COP1: variants seen among roughly 807,000 people sequenced by gnomAD.
The protein encoded by COP1 is COP1 E3 ubiquitin ligase.
In COP1, 24 loss-of-function variants were observed where a neutral mutation model predicts 101.3. The ratio of observed to expected loss-of-function variants is 0.24; its 90% CI spans 0.17 to 0.33. The LOEUF is 0.33. Ranked by LOEUF, COP1 falls within the 10% of genes least tolerant of loss-of-function variation. The probability of loss-of-function intolerance (pLI) is 1.00; values close to 1 mark genes in which losing one functional copy is unlikely to be tolerated. For missense variants in COP1, 663 were observed against 906.2 expected (o/e 0.73, Z 3.45); for synonymous variants, 347 against 341.9 (o/e 1.01, Z -0.17).
rs1421835192 is a variant in COP1 at position 175,953,163 on chromosome 1, C to T, written c.2134-5924G>A. On this transcript the variant is annotated intron_variant, in intron 18 of 19. Coordinates refer to ENST00000367669, the MANE Select transcript of COP1 (RefSeq NM_022457.7). ...AGATTCTTCCATTATAAAGTGGTAT[C>T]ATATAATCTGAAGACAGACTGTAAA... Among the ~76,000 whole-genome samples the T allele has an allele frequency of 4.6e-5, 7 of 151,886 alleles. No individual in the cohort carries two copies. The South Asian group carries it at 1.5e-3, about 32-fold the overall frequency.
At chr1:176,069,370 A>T (rs553089631) in intron 11 of COP1, among the ~76,000 whole-genome samples, 12 of 152,242 alleles carry the variant, frequency 7.9e-5, no homozygotes, top group Admixed American at 3.3e-4. Context: ...AAATGTGTCC[A>T]GGAAACTAGA....
At chr1:176,002,040 T>G (rs575458003) in intron 15 of COP1, among the ~76,000 whole-genome samples, 8 of 152,234 alleles carry the variant, frequency 5.3e-5, no homozygotes, top group Admixed American at 2.6e-4. Context: ...TCTTCCCGCC[T>G]TTCAAGAGTT....
chr1:175,961,351 T>C (rs1651317621), intron 18 of COP1, among the ~76,000 whole-genome samples: 1 of 152,182 alleles, frequency 6.6e-6, no homozygotes, highest in South Asian at 2.1e-4. Context: ...AGTCGTTTCA[T>C]TATACAGTAG....
chr1:175,993,907 C>T (rs565074351), intron 15 of COP1, among the ~76,000 whole-genome samples: 14 of 152,258 alleles, frequency 9.2e-5, no homozygotes, highest in African/African-American at 3.4e-4. Context: ...CACAAAGATA[C>T]TCCTCGAGAA....
At chr1:175,983,859 G>A (rs992525100) in intron 18 of COP1, among the ~76,000 whole-genome samples, 1 of 152,210 alleles carries the variant, frequency 6.6e-6, no homozygotes, top group Non-Finnish European at 1.5e-5. Flanking sequence ...CCCTGCCCTA[G>A]AGATCTGTGG....
chr1:176,070,621 C>A (rs758946518), intron 11 of COP1, among the ~76,000 whole-genome samples: 1 of 152,032 alleles, frequency 6.6e-6, no homozygotes, highest in Non-Finnish European at 1.5e-5. Context: ...AAGACCGCAC[C>A]ACTGCACTCC....
At chr1:176,112,584 T>C (rs930271947) in intron 9 of COP1, among the ~76,000 whole-genome samples, 16 of 152,236 alleles carry the variant, frequency 1.1e-4, no homozygotes, top group Non-Finnish European at 2.2e-4. Flanking sequence ...TCTTCTCTTC[T>C]AGCTATTCTG....
At chr1:176,025,421 C>T (rs1466410951) in intron 15 of COP1, among the ~76,000 whole-genome samples, 1 of 127,888 alleles carries the variant, frequency 7.8e-6, no homozygotes, top group Non-Finnish European at 1.7e-5. Context: ...AGATACAAAA[C>T]AAATATCCAA....
chr1:175,947,320 T>A (rs781140000), intron 18 of COP1, 81 bp from the exon 19 acceptor site: 43 of 924,048 alleles, frequency 4.7e-5, no homozygotes, highest in Non-Finnish European at 7.5e-5. Context: ...TCTTCATCCT[T>A]CTTTCTTCAC....
intron 15 of COP1, among the ~76,000 whole-genome samples, chr1:176,027,057 G>A (rs930311740): frequency 1.3e-5 from 2 of 152,070 alleles, no homozygotes; most frequent in African/African-American, 4.8e-5. Context: ...TTTACCAAAT[G>A]ATTATTTGGT....
At chr1:176,160,276 T>TTC (rs1694108173) in intron 5 of COP1, 1 of 410,040 alleles carries the variant, frequency 2.4e-6, no homozygotes, top group Non-Finnish European at 4.7e-6. Flanking sequence ...TTTTTTTTTT[T>TTC]TTTTTTTACT....
At chr1:176,149,605 GA>G (rs1418302156) in intron 5 of COP1, among the ~76,000 whole-genome samples, 2 of 151,968 alleles carry the variant, frequency 1.3e-5, no homozygotes, top group African/African-American at 4.8e-5. Context: ...TCAAACAACT[GA>G]AAACAAAAAA....
intron 14 of COP1, among the ~76,000 whole-genome samples, chr1:176,041,258 T>TA (rs1411789947): frequency 2.6e-5 from 4 of 152,200 alleles, no homozygotes; most frequent in Non-Finnish European, 4.4e-5. Context: ...GGAATGAATC[T>TA]AAAAACATCA....
At chr1:175,982,505 A>G (rs549798842) in intron 18 of COP1, 1 of 377,428 alleles carries the variant, frequency 2.6e-6, no homozygotes, top group Non-Finnish European at 5.2e-6. Flanking sequence ...AACAGTAAAT[A>G]TATTTTCTTT....
At chr1:176,176,084 T>C (rs1341145210) in intron 2 of COP1, 77 bp from the exon 3 acceptor site, 7 of 717,730 alleles carry the variant, frequency 9.8e-6, no homozygotes, top group Admixed American at 2.3e-5. Context: ...ATAATGACTA[T>C]TAGTCTTCTA....
At chr1:176,079,888 C>T (rs1378366999) in intron 11 of COP1, among the ~76,000 whole-genome samples, 1 of 151,734 alleles carries the variant, frequency 6.6e-6, no homozygotes, top group Non-Finnish European at 1.5e-5. Context: ...ATAAAGCAAG[C>T]TGGGTGCAGT....
chr1:176,153,758 T>C (rs920227914), intron 5 of COP1, among the ~76,000 whole-genome samples: 1 of 152,212 alleles, frequency 6.6e-6, no homozygotes, highest in Admixed American at 6.5e-5. Context: ...TTGCGGTATG[T>C]TCCTTCAATA....
chr1:175,976,270 C>CTT (rs10694480), intron 18 of COP1, among the ~76,000 whole-genome samples: 704 of 56,810 alleles, frequency 0.012, 199 homozygotes, highest in Non-Finnish European at 0.016. Flanking sequence ...ATTAGTCATT[C>CTT]TTTTTTTTTT....
chr1:176,173,920 G>T (rs1696516799), intron 3 of COP1, among the ~76,000 whole-genome samples: 1 of 137,688 alleles, frequency 7.3e-6, no homozygotes, highest in Non-Finnish European at 1.5e-5. Flanking sequence ...CTGGGAGGCG[G>T]AGGCTGCAGT....
Sources: allele counts gnomAD v4.1 joint callset (sites outside exome capture counted in the v4.1 genomes callset), GRCh38; gene constraint gnomAD v4.1.1; transcripts MANE v1.5; gene names NCBI Gene and HGNC (gene_info 2026-07-23, HGNC 2026-07-21).